Variants in LCN8 observed in about 807,000 individuals in gnomAD.
The protein encoded by LCN8 is epididymal-specific lipocalin-8.
In LCN8, 16 loss-of-function variants were observed where a neutral mutation model predicts 22.8. The observed-to-expected ratio is 0.70, with a 90% CI of 0.47 to 1.06. LCN8 has a LOEUF of 1.06. Among genes scored for constraint, LCN8 ranks in the 50% least tolerant of loss-of-function variants. The probability of loss-of-function intolerance (pLI) is 0.00; values close to 1 mark genes in which losing one functional copy is unlikely to be tolerated. For synonymous variants in LCN8, 92 were observed against 83.4 expected (o/e 1.10, Z -0.56); for missense variants, 189 against 203.3 (o/e 0.93, Z 0.43).
At chr9:136,756,613 C>T in intron 2 of LCN8, 21 bp from the exon 3 acceptor site, 1 of 1,611,882 alleles carries the variant, frequency 6.2e-7, no homozygotes, top group Non-Finnish European at 8.5e-7. Flanking sequence ...GCAAAGTGCC[C>T]ATCGGTAAAA....
In LCN8 at chr9:136,755,240, T is replaced by A; in HGVS notation, c.421+4A>T. 6.2e-7 allele frequency: 1 copy of A among 1,612,636 alleles called. No individual in the cohort carries two copies. The highest frequency in any genetic ancestry group is 8.5e-7 in the Non-Finnish European group (1 of 1,179,866). On this transcript the variant is annotated splice_donor_region_variant and intron_variant, in intron 5 of 6. Transcript: ENST00000371688. ...AGCCTCCACCCCAAGGCCCCTGGGC[T>A]CACCAGGCCGGGCCGCCAGGTAGAG...
At chr9:136,756,825 G>A (rs1041903259) in intron 2 of LCN8, among the ~76,000 whole-genome samples, 5 of 152,206 alleles carry the variant, frequency 3.3e-5, no homozygotes, top group Non-Finnish European at 5.9e-5. Context: ...CTAAGTTCAC[G>A]GGGCTTCATT....
intron 3 of LCN8, chr9:136,756,236 G>T: frequency 1.5e-6 from 2 of 1,308,386 alleles, no homozygotes; most frequent in Non-Finnish European, 2.0e-6. Context: ...AGGGAACAGT[G>T]CAGGGAACGC....
chr9:136,754,509 C>T lies in LCN8; in HGVS notation c.448G>A (p.Glu150Lys), dbSNP rs1241527499. ...PGRCAELLKEELI is the reference protein window; with the variant it reads ...PGRCAELLKEKLI ...AGGCAGGAACTCCATTAAATCAGCT[C>T]CTGCGACACAGAAGTGCAGGGGCTC... Residue 150 changes from glutamate (E) to lysine (K), a missense_variant and splice_region_variant, in exon 7 of 7, where the codon GAG becomes AAG. Glu to Lys is a moderately conservative substitution (Grantham distance 56). Coordinates refer to ENST00000371688, the MANE Select transcript of LCN8 (RefSeq NM_178469.4). 1.9e-6 allele frequency: 3 copies of T among 1,554,326 alleles called. No homozygotes were observed. The highest frequency in any genetic ancestry group is 2.6e-6 in the Non-Finnish European group (3 of 1,148,612).
intron 6 of LCN8, 64 bp from the exon 7 acceptor site, chr9:136,754,573 T>C: frequency 1.3e-6 from 2 of 1,537,208 alleles, no homozygotes; most frequent in Non-Finnish European, 8.8e-7. Context: ...GGGGCTTCGA[T>C]GAGGGCCACA....
intron 1 of LCN8, chr9:136,757,601 A>G (rs2811737): frequency 0.8 from 1,114,198 of 1,400,142 alleles, 447,236 homozygotes; most frequent in East Asian, 0.86. Flanking sequence ...ACCACGCCAG[A>G]GGATGGGCCT....
chr9:136,758,002 C>G lies in LCN8; in HGVS notation c.-72G>C. ...GTGCACGGCAGCCTGGCCTCCGTGG[C>G]GGGGTCCGGGCTCCGGGTTCCCCTG... On this transcript the variant is annotated 5_prime_UTR_variant, in exon 1 of 7. Transcript: ENST00000371688. 2 of 1,590,498 alleles carry G rather than the reference C, an allele frequency of 1.3e-6. No homozygotes were observed. Among genetic ancestry groups the G allele is most frequent in the Non-Finnish European group, 1.7e-6 (2 of 1,170,260 alleles).
chr9:136,754,829 G>A (rs890709671), intron 6 of LCN8: 52 of 1,349,192 alleles, frequency 3.9e-5, no homozygotes, highest in East Asian at 5.6e-5. Context: ...ACAGAACACC[G>A]AAGAAAAGGC....
At chr9:136,756,330 T>A (rs778917592) in intron 3 of LCN8, 192 bp downstream of exon 3, 7 of 1,532,356 alleles carry the variant, frequency 4.6e-6, no homozygotes, top group Non-Finnish European at 6.1e-6. Context: ...CAGGGAGCAG[T>A]GCAGGGAACA....
chr9:136,755,868 G>A (rs1847178772), intron 3 of LCN8: 2 of 1,324,564 alleles, frequency 1.5e-6, no homozygotes, highest in Non-Finnish European at 2.0e-6. Flanking sequence ...GAAAAGTGCA[G>A]GGAACAGCAT....
At chr9:136,758,338 G>A (rs1294750097), upstream of LCN8, 2 of 1,085,864 alleles carry the variant, frequency 1.8e-6, no homozygotes, top group African/African-American at 1.6e-5. Context: ...TGTTTTTTTG[G>A]GCTCGTTCTG....
At chr9:136,757,843 C>T in intron 1 of LCN8, 64 bp downstream of exon 1, 1 of 1,613,180 alleles carries the variant, frequency 6.2e-7, no homozygotes, top group Non-Finnish European at 8.5e-7. Context: ...GAGAGGCCTC[C>T]TTCCCTGAGC....
intron 3 of LCN8, 68 bp downstream of exon 3, chr9:136,756,454 G>T (rs1386105457): frequency 2.5e-6 from 4 of 1,613,546 alleles, no homozygotes; most frequent in African/African-American, 2.7e-5. Context: ...GAACAGCATG[G>T]GGAACAATAA....
intron 3 of LCN8, 33 bp downstream of exon 3, chr9:136,756,489 T>C: frequency 6.2e-7 from 1 of 1,614,046 alleles, no homozygotes; most frequent in Non-Finnish European, 8.5e-7. Context: ...CACAGCCGGG[T>C]TCCACCTGCC....
chr9:136,755,611 C>A (rs963775064), intron 3 of LCN8, 95 bp from the exon 4 acceptor site: 2 of 1,531,542 alleles, frequency 1.3e-6, no homozygotes, highest in Admixed American at 2.0e-5. Flanking sequence ...CTGCCCCCAC[C>A]CAGTCCCAGC....
chr9:136,755,846 G>C, intron 3 of LCN8: 1 of 1,350,510 alleles, frequency 7.4e-7, no homozygotes, highest in South Asian at 1.2e-5. Flanking sequence ...AATGCATGGG[G>C]AACGGCACAG....
intron 6 of LCN8, chr9:136,754,726 G>A (rs1847141843): frequency 5.7e-6 from 8 of 1,407,652 alleles, no homozygotes; most frequent in Non-Finnish European, 7.4e-6. Flanking sequence ...GGTTCTCGCA[G>A]TGCCCAACAT....
rs777064815 is a variant in LCN8, at chr9:136,755,527, C to T, written c.227-11G>A. 9.9e-6 allele frequency: 16 copies of T among 1,608,800 alleles called. No individual in the cohort carries two copies. Among genetic ancestry groups the T allele is most frequent in the Middle Eastern group, 1.6e-4 (1 of 6,080 alleles). ...GGATCTCTCTGTGGCCTTCAAGAGC[C>T]GGCCATGGCGTTGGGGGAGACGTCT... On this transcript the variant is annotated splice_polypyrimidine_tract_variant and intron_variant, in intron 3 of 6. Transcript: ENST00000371688.
chr9:136,756,674 CT>C, intron 2 of LCN8, 82 bp from the exon 3 acceptor site: 1 of 1,572,850 alleles, frequency 6.4e-7, no homozygotes. Flanking sequence ...GGGGCTGTGT[CT>C]TTAGGAAGGG....
Sources: gnomAD v4.1 joint callset for allele counts (sites outside exome capture counted in the v4.1 genomes callset) on GRCh38, gnomAD v4.1.1 for gene constraint, MANE v1.5 for transcripts, NCBI Gene and HGNC (gene_info 2026-07-23, HGNC 2026-07-21) for gene names.